The following PCDHGA6 variants were observed in gnomAD, a reference collection of about 807,000 sequenced individuals.
PCDHGA6 encodes protocadherin gamma-A6.
In PCDHGA6, 41 loss-of-function variants were observed where a neutral mutation model predicts 60.6. The ratio of observed to expected loss-of-function variants is 0.68; its 90% CI spans 0.53 to 0.88. PCDHGA6 has a LOEUF of 0.88. Among genes scored for constraint, PCDHGA6 ranks in the 40% least tolerant of loss-of-function variants. The probability of loss-of-function intolerance (pLI) is 0.00; values close to 1 mark genes in which losing one functional copy is unlikely to be tolerated. For synonymous variants in PCDHGA6, 594 were observed against 524.4 expected (o/e 1.13, Z -1.81); for missense variants, 1,312 against 1,203.0 (o/e 1.09, Z -1.34).
intron 1 of PCDHGA6, chr5:141,441,982 G>T: frequency 3.6e-6 from 1 of 277,096 alleles, no homozygotes; most frequent in South Asian, 3.6e-5. Flanking sequence ...CCTGGAATGC[G>T]CACCGACGAG....
chr5:141,498,656 G>A (rs2154592341), intron 2 of PCDHGA6, among the ~76,000 whole-genome samples: 1 of 152,336 alleles, frequency 6.6e-6, no homozygotes, highest in Non-Finnish European at 1.5e-5. Context: ...ACCTGGCCAG[G>A]TGTGGTGGCT....
chr5:141,478,718 C>T, intron 1 of PCDHGA6: 1 of 1,544,994 alleles, frequency 6.5e-7, no homozygotes, highest in East Asian at 2.4e-5. Context: ...AGATGGTGGC[C>T]TGCCAGAGTG....
At chr5:141,397,965 C>A in intron 1 of PCDHGA6, 1 of 1,077,484 alleles carries the variant, frequency 9.3e-7, no homozygotes. Flanking sequence ...AGCTCAGACT[C>A]CCCAGCGCCG....
At chr5:141,409,013 G>T in intron 1 of PCDHGA6, 1 of 1,613,998 alleles carries the variant, frequency 6.2e-7, no homozygotes. Flanking sequence ...TGACCAGGAT[G>T]AGGGGGTCAA....
At chr5:141,446,129 A>C (rs1488078150) in intron 1 of PCDHGA6, among the ~76,000 whole-genome samples, 1 of 152,204 alleles carries the variant, frequency 6.6e-6, no homozygotes, top group Non-Finnish European at 1.5e-5. Flanking sequence ...GTTCAATAAG[A>C]CTTAATAATG....
intron 1 of PCDHGA6, chr5:141,393,310 C>A (rs775937552): frequency 1.2e-6 from 2 of 1,613,388 alleles, no homozygotes; most frequent in African/African-American, 2.7e-5. Flanking sequence ...GGCGTGAACT[C>A]CCTCCAGAGC....
chr5:141,406,976 A>G (rs773444464), intron 1 of PCDHGA6, among the ~76,000 whole-genome samples: 12 of 152,244 alleles, frequency 7.9e-5, no homozygotes, highest in Non-Finnish European at 1.8e-4. Flanking sequence ...AGTAAATAAC[A>G]TTTCACAAGA....
At chr5:141,442,089 C>A in intron 1 of PCDHGA6, 1 of 170,684 alleles carries the variant, frequency 5.9e-6, no homozygotes, top group South Asian at 1.1e-4. Context: ...CTCGCTACCG[C>A]CACGTCACCA....
At chr5:141,472,668 C>T (rs2099292239) in intron 1 of PCDHGA6, among the ~76,000 whole-genome samples, 1 of 151,742 alleles carries the variant, frequency 6.6e-6, no homozygotes, top group African/African-American at 2.4e-5. Context: ...ATCCTGTATA[C>T]TGGTCCTTCC....
Position 141,418,806 on chromosome 5 carries a change from C to T in PCDHGA6, c.2424+42299C>T, listed in dbSNP as rs200530054. The T allele has an allele frequency of 3.0e-5, 49 of 1,613,694 alleles. No individual in the cohort carries two copies. In the African/African-American group the frequency reaches 5.9e-4, roughly 19 times the overall value. On this transcript the variant is annotated intron_variant, in intron 1 of 3. Transcript: ENST00000517434. ...GATTTTGAAGAAGTAGAAAGATATA[C>T]GATAAACATAGAAGCAAAAGACCGA...
At chr5:141,384,048 C>T in intron 1 of PCDHGA6, 2 of 1,611,890 alleles carry the variant, frequency 1.2e-6, no homozygotes, top group Non-Finnish European at 1.7e-6. Context: ...GTGAGGTGAC[C>T]TGCACCATTC....
chr5:141,435,979 C>T (rs1036607924), intron 1 of PCDHGA6, among the ~76,000 whole-genome samples: 4 of 152,008 alleles, frequency 2.6e-5, no homozygotes, highest in Non-Finnish European at 5.9e-5. Flanking sequence ...TGTGGTTCTA[C>T]TTGTGTGATT....
chr5:141,433,514 G>C (rs1330494451), intron 1 of PCDHGA6, among the ~76,000 whole-genome samples: 1 of 152,016 alleles, frequency 6.6e-6, no homozygotes, highest in East Asian at 1.9e-4. Context: ...GATTACAGGC[G>C]TGAACCACAG....
Position 141,486,453 on chromosome 5 carries a change from C to T in PCDHGA6, c.2425-8354C>T, listed in dbSNP as rs776820667. 6.2e-6 allele frequency: 10 copies of T among 1,614,114 alleles called. No homozygotes were observed. The highest frequency in any genetic ancestry group is 1.1e-5 in the South Asian group (1 of 91,082). On this transcript the variant is annotated intron_variant, in intron 1 of 3. Transcript: ENST00000517434. The surrounding 1 kb of genome is among the most constrained non-coding windows in gnomAD (Gnocchi z 5.0). ...TCTAGCTATGACATCATGGTCACTGCTTCTGATGCTGGGAACCCTCCTCTC... is the reference window on the plus strand; with the variant it reads ...TCTAGCTATGACATCATGGTCACTGTTTCTGATGCTGGGAACCCTCCTCTC...
chr5:141,398,799 C>A, intron 1 of PCDHGA6: 1 of 1,613,966 alleles, frequency 6.2e-7, no homozygotes, highest in South Asian at 1.1e-5. Context: ...CCCTAAGCGG[C>A]ACCACTGAGC....
At chr5:141,499,244 CAA>C (rs1191956146) in intron 2 of PCDHGA6, among the ~76,000 whole-genome samples, 1 of 152,090 alleles carries the variant, frequency 6.6e-6, no homozygotes, top group Non-Finnish European at 1.5e-5. Flanking sequence ...AGCCTCTGCA[CAA>C]AGAGTCTCCA....
chr5:141,417,507 A>G (rs573832786), intron 1 of PCDHGA6: 1 of 234,942 alleles, frequency 4.3e-6, no homozygotes, highest in Non-Finnish European at 8.1e-6. Context: ...AAAGATTAAA[A>G]TATTTTGGCT....
chr5:141,444,524 A>G (rs563709940), intron 1 of PCDHGA6, among the ~76,000 whole-genome samples: 47 of 152,224 alleles, frequency 3.1e-4, no homozygotes, highest in African/African-American at 1.1e-3. Context: ...AGTAGGTGAG[A>G]CAGTGACTGT....
At chr5:141,449,630 T>A (rs1006977026) in intron 1 of PCDHGA6, among the ~76,000 whole-genome samples, 6 of 150,024 alleles carry the variant, frequency 4.0e-5, no homozygotes, top group Non-Finnish European at 8.9e-5. Flanking sequence ...TTTAAAAAGA[T>A]GTATCTATAT....
Sources: gnomAD v4.1 joint callset for allele counts (sites outside exome capture counted in the v4.1 genomes callset) on GRCh38, gnomAD v4.1.1 for gene constraint, Gnocchi (gnomAD v3.1) non-coding constraint, MANE v1.5 for transcripts, NCBI Gene and HGNC (gene_info 2026-07-23, HGNC 2026-07-21) for gene names.